GABRB1: variants seen among roughly 807,000 people sequenced by gnomAD.
GABRB1 encodes the protein gamma-aminobutyric acid receptor subunit beta-1.
A neutral mutation model predicts 51.6 loss-of-function variants in GABRB1; 17 were observed. The ratio of observed to expected loss-of-function variants is 0.33; its 90% CI spans 0.23 to 0.49. The LOEUF (loss-of-function observed/expected upper bound fraction) is 0.49, where lower values mean the gene tolerates loss of function less well. Ranked by LOEUF, GABRB1 falls within the 20% of genes least tolerant of loss-of-function variation. The pLI, the probability that GABRB1 is intolerant of heterozygous loss-of-function variation, is 0.99. For missense variants in GABRB1, 410 were observed against 600.6 expected (o/e 0.68, Z 3.32); for synonymous variants, 247 against 218.9 (o/e 1.13, Z -1.14).
At chr4:47,263,979 T>TA (rs139613069) in intron 4 of GABRB1, among the ~76,000 whole-genome samples, 189 of 140,328 alleles carry the variant, frequency 1.3e-3, no homozygotes, top group South Asian at 8.0e-3. Context: ...ACAAAAAAAA[T>TA]AAAAAAAAAA....
chr4:47,171,862 G>A (rs1224022652), intron 4 of GABRB1, among the ~76,000 whole-genome samples: 6 of 152,038 alleles, frequency 3.9e-5, no homozygotes, highest in Non-Finnish European at 7.4e-5. Context: ...ATTAAAGCTA[G>A]GTTTGCTTCA....
chr4:47,386,933 T>A lies in GABRB1; in HGVS notation c.545-16385T>A, dbSNP rs541333377. Among the ~76,000 whole-genome samples, 4 of 152,262 alleles carry A rather than the reference T, an allele frequency of 2.6e-5. No individual in the cohort carries two copies. The East Asian group carries it at 7.7e-4, about 29-fold the overall frequency. The stretch of plus-strand genomic sequence containing the variant: ...GAAAAATATGAGAAACATAGAGATA[T>A]AGACGAAAGGCTAAACAATTAGGAA... On this transcript the variant is annotated intron_variant, in intron 5 of 8. Transcript: ENST00000295454.
intron 3 of GABRB1, among the ~76,000 whole-genome samples, chr4:47,052,536 A>G (rs542682635): frequency 1.3e-5 from 2 of 152,358 alleles, no homozygotes; most frequent in South Asian, 2.1e-4. Context: ...CAAACTCCGA[A>G]GTACGGAGCT....
chr4:47,001,585 G>C (rs1017725776), intron 1 of GABRB1, among the ~76,000 whole-genome samples: 28 of 152,218 alleles, frequency 1.8e-4, no homozygotes, highest in Non-Finnish European at 3.7e-4. Flanking sequence ...GGCAAAGACT[G>C]ACCTCCCAGA....
chr4:47,194,870 C>T (rs933848525), intron 4 of GABRB1, among the ~76,000 whole-genome samples: 5 of 152,132 alleles, frequency 3.3e-5, no homozygotes, highest in South Asian at 2.1e-4. Flanking sequence ...GGAGAAGTGT[C>T]ATGAGACCCA....
At position 47,355,553 on chromosome 4, in the gene GABRB1, A is replaced by C. The variant is rs141629061; in HGVS notation, c.544+35344A>C. Among the ~76,000 whole-genome samples the C allele has an allele frequency of 2.1e-3, 318 of 152,306 alleles. 1 individual carries two copies. The highest frequency in any genetic ancestry group is 3.6e-3 in the Non-Finnish European group (243 of 68,024). ...TTTTGCAGTGACAAAAAACAGAGAA[A>C]CACTGTGGTCTAAAGGGTTTCTGAG... is the stretch of plus-strand genomic sequence containing the variant. On this transcript the variant is annotated intron_variant, in intron 5 of 8. Transcript: ENST00000295454.
intron 4 of GABRB1, among the ~76,000 whole-genome samples, chr4:47,249,357 C>G (rs1235886805): frequency 2.0e-5 from 3 of 152,112 alleles, no homozygotes; most frequent in Non-Finnish European, 4.4e-5. Flanking sequence ...TTTTATTCCA[C>G]TGTGACCTGA....
chr4:47,333,103 T>C (rs1159276591), intron 5 of GABRB1, among the ~76,000 whole-genome samples: 1 of 146,752 alleles, frequency 6.8e-6, no homozygotes. Flanking sequence ...TACATATTTT[T>C]ATATTCATAT....
intron 4 of GABRB1, among the ~76,000 whole-genome samples, chr4:47,237,064 A>G (rs956375331): frequency 6.6e-6 from 1 of 152,130 alleles, no homozygotes; most frequent in African/African-American, 2.4e-5. Context: ...TAATTTCAAC[A>G]ATAATAAATA....
At chr4:47,067,700 C>T (rs1480631711) in intron 3 of GABRB1, among the ~76,000 whole-genome samples, 5 of 151,494 alleles carry the variant, frequency 3.3e-5, no homozygotes, top group African/African-American at 9.7e-5. Context: ...AACACGAGTA[C>T]GTTTTATTTT....
At chr4:47,218,013 GTAACCA>G (rs1720621676) in intron 4 of GABRB1, among the ~76,000 whole-genome samples, 1 of 151,544 alleles carries the variant, frequency 6.6e-6, no homozygotes, top group Non-Finnish European at 1.5e-5. Flanking sequence ...CCAGCCCCTG[GTAACCA>G]TCATTCTACT....
chr4:47,019,576 T>TCTCTCC (rs1186431950), intron 1 of GABRB1, among the ~76,000 whole-genome samples: 5 of 147,464 alleles, frequency 3.4e-5, no homozygotes, highest in East Asian at 4.0e-4. Context: ...TCTCTCTCTC[T>TCTCTCC]CCCTCCTTCC....
intron 4 of GABRB1, among the ~76,000 whole-genome samples, chr4:47,211,586 C>T (rs937761383): frequency 2.0e-5 from 3 of 152,194 alleles, no homozygotes; most frequent in Non-Finnish European, 4.4e-5. Flanking sequence ...AGAACCGTTA[C>T]CGCTCTAGGC....
intron 5 of GABRB1, among the ~76,000 whole-genome samples, chr4:47,376,281 G>A (rs904494381): frequency 1.7e-4 from 26 of 152,156 alleles, no homozygotes; most frequent in African/African-American, 5.8e-4. Context: ...AATATGATCA[G>A]CAACAACAAA....
intron 4 of GABRB1, among the ~76,000 whole-genome samples, chr4:47,197,163 C>T (rs1161754651): frequency 2.0e-5 from 3 of 152,168 alleles, no homozygotes; most frequent in African/African-American, 7.2e-5. Context: ...CTAGAGTTCC[C>T]TCGGGCATCT....
At chr4:47,247,599 A>AT (rs913396873) in intron 4 of GABRB1, among the ~76,000 whole-genome samples, 28 of 151,122 alleles carry the variant, frequency 1.9e-4, no homozygotes, top group East Asian at 7.8e-4. Context: ...GAATTTGTAG[A>AT]TTTTTTTTTG....
chr4:47,181,183 G>C (rs1192027177), intron 4 of GABRB1, among the ~76,000 whole-genome samples: 1 of 151,878 alleles, frequency 6.6e-6, no homozygotes, highest in Non-Finnish European at 1.5e-5. Context: ...TTCTGGATGA[G>C]TTCATTTATG....
chr4:47,398,952 G>T (rs1009143479), intron 5 of GABRB1, among the ~76,000 whole-genome samples: 7 of 152,122 alleles, frequency 4.6e-5, no homozygotes, highest in Non-Finnish European at 2.9e-5. Flanking sequence ...CACCACGTCC[G>T]GCTAATTTTC....
chr4:47,383,030 A>G (rs1483639290), intron 5 of GABRB1, among the ~76,000 whole-genome samples: 1 of 152,242 alleles, frequency 6.6e-6, no homozygotes, highest in Non-Finnish European at 1.5e-5. Flanking sequence ...GCACTTGGGA[A>G]TGAGTGCAGA....
Sources: allele counts gnomAD v4.1 joint callset (sites outside exome capture counted in the v4.1 genomes callset), GRCh38; gene constraint gnomAD v4.1.1; transcripts MANE v1.5; gene names NCBI Gene and HGNC (gene_info 2026-07-23, HGNC 2026-07-21).